The following APLP1 variants were observed in gnomAD, a reference collection of about 807,000 sequenced individuals.
The protein encoded by APLP1 is amyloid beta (A4) precursor-like protein 1.
Under a neutral mutation model 84.5 loss-of-function variants are expected in APLP1, and 46 were observed. The observed-to-expected ratio is 0.54, with a 90% CI of 0.43 to 0.70. The LOEUF (loss-of-function observed/expected upper bound fraction) is 0.70, where lower values mean the gene tolerates loss of function less well. Ranked by LOEUF, APLP1 falls within the 30% of genes least tolerant of loss-of-function variation. The pLI is 0.00. For synonymous variants in APLP1, 376 were observed against 364.0 expected (o/e 1.03, Z -0.38); for missense variants, 826 against 900.2 (o/e 0.92, Z 1.05).
intron 6 of APLP1, 73 bp downstream of exon 6, chr19:35,872,109 G>T: frequency 1.3e-6 from 2 of 1,535,142 alleles, no homozygotes; most frequent in Non-Finnish European, 8.8e-7. Context: ...CTTGCTGGGG[G>T]GTGTCTTTGG....
At chr19:35,873,866 C>T (rs1974218065) in intron 8 of APLP1, among the ~76,000 whole-genome samples, 153 bp downstream of exon 8, 1 of 152,186 alleles carries the variant, frequency 6.6e-6, no homozygotes. Flanking sequence ...CAGCTCTGCC[C>T]CTCTTAGCCG....
chr19:35,869,511 A>C, intron 1 of APLP1, 156 bp from the exon 2 acceptor site: 1 of 1,031,642 alleles, frequency 9.7e-7, no homozygotes, highest in Non-Finnish European at 1.4e-6. Flanking sequence ...GCCCTACGGG[A>C]GCTGTTTCCC....
rs765342643 is a variant in APLP1, at chr19:35,869,827, G to A, written c.291+17G>A. ...TGCAGACAGGTGGGCGGGGCCGAAC[G>A]GGAGAGGCGGGGCCGCCCATAGAAA... is the stretch of plus-strand genomic sequence containing the variant. On this transcript the variant is annotated intron_variant, in intron 2 of 16. Coordinates refer to ENST00000221891, the MANE Select transcript of APLP1 (RefSeq NM_001024807.3). The A allele has an allele frequency of 2.0e-5, 32 of 1,570,218 alleles. No homozygotes were observed. The highest frequency in any genetic ancestry group is 4.6e-5 in the South Asian group (4 of 86,726).
chr19:35,878,978 T>C (rs1411332152), intron 15 of APLP1, 26 bp downstream of exon 15: 1 of 1,613,946 alleles, frequency 6.2e-7, no homozygotes, highest in Admixed American at 1.7e-5. Context: ...GCCGGGTACC[T>C]AGGGGAAGAG....
rs374079392 is a variant in APLP1, at chr19:35,879,208, C to T, written c.1848C>T (p.Gly616=). 25 of 1,612,398 alleles carry T rather than the reference C, an allele frequency of 1.6e-5. No individual in the cohort carries two copies. Among genetic ancestry groups the T allele is most frequent in the African/African-American group, 4.0e-5 (3 of 74,894 alleles). Residue 616 remains glycine (G), a synonymous_variant, in exon 16 of 17, where the codon GGC becomes GGT. Coordinates refer to ENST00000221891, the MANE Select transcript of APLP1 (RefSeq NM_001024807.3). ...AGCCCTACGGGGCTATCAGCCATGG[C>T]GTGGTGGAGGTGAGAACCATGGCGT... ...RKKPYGAISH[G]VVEVDPMLTL...
intron 2 of APLP1, 73 bp from the exon 3 acceptor site, chr19:35,870,823 G>A (rs1974123392): frequency 1.3e-5 from 20 of 1,524,582 alleles, no homozygotes; most frequent in Non-Finnish European, 1.8e-5. Context: ...AGAGAAAAGG[G>A]ACCTGACTAC....
At position 35,869,772 on chromosome 19, in the gene APLP1, C is replaced by T. The variant is rs564090872; in HGVS notation, c.253C>T (p.Leu85Phe). 1.9e-6 allele frequency: 3 copies of T among 1,605,990 alleles called. No homozygotes were observed. Among genetic ancestry groups the T allele is most frequent in the African/African-American group, 1.3e-5 (1 of 74,906 alleles). The change falls in exon 2 of 17, where the codon CTC becomes TTC. Residue 85 changes from leucine (L) to phenylalanine (F), a missense_variant. Leu to Phe is a conservative substitution (Grantham distance 22). Transcript: ENST00000221891. ...AGACCCACAGCGCTCTCGACGCTGT[C>T]TCCGGGACCCGCAGCGCGTGCTGGA... The part of the protein sequence containing the change: ...EPDPQRSRRC[L>F]RDPQRVLEYC...
chr19:35,869,091 C>T (rs1041494790), intron 1 of APLP1: 2 of 309,678 alleles, frequency 6.5e-6, no homozygotes, highest in Admixed American at 1.0e-4. Flanking sequence ...ATAGGACCCA[C>T]CAAGCAGCGA....
At chr19:35,876,444 C>A in intron 10 of APLP1, 73 bp from the exon 11 acceptor site, 1 of 1,323,984 alleles carries the variant, frequency 7.6e-7, no homozygotes, top group Non-Finnish European at 1.1e-6. Flanking sequence ...TGAATTCCTC[C>A]TTCATACTGC....
intron 4 of APLP1, 69 bp from the exon 5 acceptor site, chr19:35,871,543 G>A: frequency 3.8e-6 from 6 of 1,590,800 alleles, no homozygotes; most frequent in Non-Finnish European, 5.1e-6. Flanking sequence ...CCCCAACCCT[G>A]GCAGCCCAGT....
At position 35,874,436 on chromosome 19, in the gene APLP1, C is replaced by T. The variant is rs1568476071; in HGVS notation, c.1057-68C>T. ...CCAACCCCATGTAGCCCTGCCTTTC[C>T]AGGCTCTCTTTGACCAGGCTTTGAC... On this transcript the variant is annotated intron_variant, in intron 8 of 16. Coordinates refer to ENST00000221891, the MANE Select transcript of APLP1 (RefSeq NM_001024807.3). This position sits in a 1 kb window ranked among gnomAD's most constrained non-coding sequence, Gnocchi z 6.4. The T allele has an allele frequency of 6.3e-7, 1 of 1,586,934 alleles. No individual in the cohort carries two copies. Among genetic ancestry groups the T allele is most frequent in the Non-Finnish European group, 8.6e-7 (1 of 1,159,948 alleles).
Position 35,878,666 on chromosome 19 carries a change from A to C in APLP1, c.1650+12A>C. On this transcript the variant is annotated intron_variant, in intron 14 of 16. Transcript: ENST00000221891. ...AGTATGAGCGAAAGGTAAGTTAGTC[A>C]GAACTGTGGGCTCCCTAAGGGGAAC... is the stretch of plus-strand genomic sequence containing the variant. The C allele has an allele frequency of 6.2e-7, 1 of 1,614,126 alleles. No homozygotes were observed. Among genetic ancestry groups the C allele is most frequent in the Non-Finnish European group, 8.5e-7 (1 of 1,179,984 alleles).
At chr19:35,878,529 G>C in intron 13 of APLP1, 55 bp from the exon 14 acceptor site, 3 of 1,587,900 alleles carry the variant, frequency 1.9e-6, no homozygotes, top group Non-Finnish European at 2.6e-6. Context: ...CTGGGTGACA[G>C]AGTGAGACTC....
intron 5 of APLP1, 39 bp downstream of exon 5, chr19:35,871,784 C>T (rs1194509481): frequency 6.2e-7 from 1 of 1,613,514 alleles, no homozygotes; most frequent in African/African-American, 1.3e-5. Context: ...TCTCAAGGTT[C>T]CTGAGGCAGG....
rs1384767729 is a variant in APLP1, at chr19:35,868,767, GC to G, written c.135del (p.Gly46AlafsTer18). ...GCCATCGGGAGCCTGGCCGGTGGGA[GC>G]CCCGGCGCGGCCGAGGTGAGGCCGG... ...QPAIGSLAGGSPGAAEAPGSA... is the reference protein window; with the variant it reads ...QPAIGSLAGGXPGAAEAPGSA... On this transcript the variant is annotated frameshift_variant, in exon 1 of 17. Coordinates refer to ENST00000221891, the MANE Select transcript of APLP1 (RefSeq NM_001024807.3). LOFTEE classifies it high-confidence loss of function. The surrounding 1 kb of genome is among the most constrained non-coding windows in gnomAD (Gnocchi z 5.2). 7.5e-7 allele frequency: 1 copy of G among 1,329,030 alleles called. No individual in the cohort carries two copies. Among genetic ancestry groups the G allele is most frequent in the Non-Finnish European group, 9.6e-7 (1 of 1,043,136 alleles). 82.3% of individuals were successfully genotyped at this position (1,329,030 alleles called of 1,614,324 possible).
chr19:35,869,839 G>C (rs763965571), intron 2 of APLP1, 29 bp downstream of exon 2: 13 of 1,559,864 alleles, frequency 8.3e-6, no homozygotes, highest in Non-Finnish European at 1.1e-5. Flanking sequence ...GAGAGGCGGG[G>C]CCGCCCATAG....
intron 16 of APLP1, 30 bp downstream of exon 16, chr19:35,879,247 GAA>G (rs1245668544): frequency 1.2e-6 from 2 of 1,609,854 alleles, no homozygotes; most frequent in Admixed American, 3.3e-5. Flanking sequence ...GGAGGTGTGG[GAA>G]GAGTTCCTGA....
rs533097226 is a variant in APLP1, at chr19:35,876,767, G to C, written c.1444+151G>C. The C allele has an allele frequency of 2.2e-4, 149 of 692,444 alleles. 1 individual carries two copies. The African/African-American group carries it at 2.3e-3, about 11-fold the overall frequency. 42.9% of individuals were successfully genotyped at this position (692,444 alleles called of 1,614,324 possible). On this transcript the variant is annotated intron_variant, in intron 11 of 16. Coordinates refer to ENST00000221891, the MANE Select transcript of APLP1 (RefSeq NM_001024807.3). The stretch of plus-strand genomic sequence containing the variant: ...TCAACAATGATTTTTCTTTGTTCAT[G>C]ATTCTGCCATCCGGTCTGCGCTCAG...
rs116740104 is a variant in APLP1 at position 35,874,949 on chromosome 19, A to G, written c.1344+80A>G. The G allele has an allele frequency of 1.3e-3, 2,059 of 1,533,076 alleles. 26 individuals are homozygous for G. The African/African-American group carries it at 0.026, about 19-fold the overall frequency. The allele number at this position is 1,533,076 out of a possible 1,614,324, so 95.0% of individuals were successfully genotyped here. On this transcript the variant is annotated intron_variant, in intron 10 of 16. Coordinates refer to ENST00000221891, the MANE Select transcript of APLP1 (RefSeq NM_001024807.3). This position sits in a 1 kb window ranked among gnomAD's most constrained non-coding sequence, Gnocchi z 6.4. Reference sequence around the variant, plus strand: ...CTCAGGCTCTTCTCTTGTCCCTTAGACCCTCTTTCTGTCTCTTGGACCCCT... The same window carrying G: ...CTCAGGCTCTTCTCTTGTCCCTTAGGCCCTCTTTCTGTCTCTTGGACCCCT...
Sources: allele counts gnomAD v4.1 joint callset (sites outside exome capture counted in the v4.1 genomes callset), GRCh38; gene constraint gnomAD v4.1.1; non-coding constraint Gnocchi (gnomAD v3.1); transcripts MANE v1.5; gene names NCBI Gene and HGNC (gene_info 2026-07-23, HGNC 2026-07-21).